Variants in CHST9 observed in about 807,000 individuals in gnomAD.
CHST9 encodes GalNAc-4-sulfotransferase 2.
CHST9 carries 41 observed loss-of-function variants against 44.4 expected under a neutral mutation model. The observed-to-expected ratio is 0.92, with a 90% CI of 0.72 to 1.20. The LOEUF (loss-of-function observed/expected upper bound fraction) is 1.20. CHST9 is among the 50% of genes most tolerant of loss of function. The pLI, the probability that CHST9 is intolerant of heterozygous loss-of-function variation, is 0.00. For synonymous variants in CHST9, 171 were observed against 178.4 expected, an observed-to-expected ratio of 0.96 and a Z score of 0.33; for missense variants, 504 against 516.5, an observed-to-expected ratio of 0.98 and a Z score of 0.23.
intron 2 of CHST9, among the ~76,000 whole-genome samples, chr18:27,108,259 GGTGTT>G (rs1259550582): frequency 6.6e-6 from 1 of 152,076 alleles, no homozygotes; most frequent in African/African-American, 2.4e-5. Flanking sequence ...TCTCTGCTGA[GGTGTT>G]GTGTTGTGTC....
chr18:27,142,129 T>C (rs928957980), intron 2 of CHST9, among the ~76,000 whole-genome samples: 1 of 152,306 alleles, frequency 6.6e-6, no homozygotes, highest in Non-Finnish European at 1.5e-5. Flanking sequence ...TGTTTACATG[T>C]AATCTATGGC....
intron 1 of CHST9, among the ~76,000 whole-genome samples, chr18:27,149,702 T>C (rs2058644903): frequency 6.6e-6 from 1 of 152,114 alleles, no homozygotes; most frequent in Admixed American, 6.5e-5. Flanking sequence ...CTGCCATTTA[T>C]TTTAAAACAT....
At chr18:27,112,105 TTAA>T (rs1157552230) in intron 2 of CHST9, among the ~76,000 whole-genome samples, 12 of 148,578 alleles carry the variant, frequency 8.1e-5, no homozygotes, top group African/African-American at 2.7e-4. Context: ...TATAAATATA[TTAA>T]TAATGTATAT....
chr18:27,125,441 T>G (rs555026707), intron 2 of CHST9, among the ~76,000 whole-genome samples: 1 of 152,372 alleles, frequency 6.6e-6, no homozygotes, highest in South Asian at 2.1e-4. Context: ...TTAGGCATTT[T>G]CTACCAGTAC....
At chr18:27,029,784 C>CAA (rs1259534230) in intron 3 of CHST9, among the ~76,000 whole-genome samples, 5 of 152,072 alleles carry the variant, frequency 3.3e-5, no homozygotes, top group African/African-American at 4.8e-5. Flanking sequence ...TTTTTTCCCC[C>CAA]AAATATTTTA....
At chr18:27,115,758 C>T (rs1256193311) in intron 2 of CHST9, among the ~76,000 whole-genome samples, 1 of 152,170 alleles carries the variant, frequency 6.6e-6, no homozygotes, top group African/African-American at 2.4e-5. Context: ...AGCAATCCTC[C>T]CACCTTGGAC....
At chr18:26,933,852 A>G (rs1230019968) in intron 5 of CHST9, 1 of 153,372 alleles carries the variant, frequency 6.5e-6, no homozygotes, top group Non-Finnish European at 1.5e-5. Flanking sequence ...CTAAAACAGT[A>G]ATGCAATAGA....
At chr18:27,099,041 C>T (rs147751351) in intron 2 of CHST9, among the ~76,000 whole-genome samples, 1 of 152,050 alleles carries the variant, frequency 6.6e-6, no homozygotes, top group East Asian at 1.9e-4. Flanking sequence ...AGGTTGCATG[C>T]CTACAGCCAT....
At chr18:27,133,302 G>A (rs1405532052) in intron 2 of CHST9, among the ~76,000 whole-genome samples, 2 of 152,144 alleles carry the variant, frequency 1.3e-5, no homozygotes, top group Non-Finnish European at 2.9e-5. Flanking sequence ...TGATGGGATC[G>A]ACTTTGTTGC....
At chr18:27,131,233 G>A (rs2058468915) in intron 2 of CHST9, among the ~76,000 whole-genome samples, 1 of 144,482 alleles carries the variant, frequency 6.9e-6, no homozygotes, top group Non-Finnish European at 1.5e-5. Flanking sequence ...TCCTGGCCCA[G>A]GGACCCCAGA....
intron 4 of CHST9, among the ~76,000 whole-genome samples, chr18:26,999,629 A>G (rs544089263): frequency 2.6e-5 from 4 of 152,242 alleles, no homozygotes; most frequent in African/African-American, 9.6e-5. Flanking sequence ...ATATAAAAAA[A>G]TTGGTGAAAG....
At chr18:27,152,507 T>C (rs994771836) in intron 1 of CHST9, among the ~76,000 whole-genome samples, 1 of 152,172 alleles carries the variant, frequency 6.6e-6, no homozygotes, top group Non-Finnish European at 1.5e-5. Flanking sequence ...TTCTAAAGAT[T>C]TCAAAGTTTT....
chr18:26,938,542 T>TTGA (rs2056033803), intron 5 of CHST9, among the ~76,000 whole-genome samples: 1 of 152,210 alleles, frequency 6.6e-6, no homozygotes, highest in African/African-American at 2.4e-5. Context: ...CGTGGCCATT[T>TTGA]TGATAAGAAT....
rs1201534522 is a variant in CHST9, at chr18:26,911,517, G to C, written c.*4742C>G. 1 of 152,166 alleles carries C rather than the reference G, an allele frequency of 6.6e-6. No homozygotes were observed. Among genetic ancestry groups the C allele is most frequent in the Non-Finnish European group, 1.5e-5 (1 of 68,028 alleles). 9.4% of individuals were successfully genotyped at this position (152,166 alleles called of 1,614,324 possible). A position where few individuals can be genotyped will look rare whatever the true frequency, so the allele number is the denominator to read the frequency against. On this transcript the variant is annotated 3_prime_UTR_variant, in exon 6 of 6. Coordinates refer to ENST00000618847, the MANE Select transcript of CHST9 (RefSeq NM_031422.6). The stretch of plus-strand genomic sequence containing the variant: ...TATCAGGGAGCTCATAAAGAGATGA[G>C]ATTTTGAAATTGAATAATCTCAAGA...
At chr18:26,956,553 A>C (rs2056328581) in intron 4 of CHST9, among the ~76,000 whole-genome samples, 2 of 151,410 alleles carry the variant, frequency 1.3e-5, no homozygotes, top group Non-Finnish European at 2.9e-5. Context: ...TGATTCTGCT[A>C]ATGATAATGT....
rs563733660 is a variant in CHST9, at chr18:26,953,876, C to T, written c.203-9510G>A. ...TTTCTGTACTATCACCTACATTTAG[C>T]ATGACCACTTCTGTAGGGGTGCTTG... On this transcript the variant is annotated intron_variant, in intron 4 of 5. Coordinates refer to ENST00000618847, the MANE Select transcript of CHST9 (RefSeq NM_031422.6). 4.6e-5 allele frequency among the ~76,000 whole-genome samples: 7 copies of T among 152,278 alleles called. No individual in the cohort carries two copies. The South Asian group carries it at 1.5e-3, about 32-fold the overall frequency.
chr18:27,101,667 T>C (rs1259190149), intron 2 of CHST9, among the ~76,000 whole-genome samples: 2 of 151,866 alleles, frequency 1.3e-5, no homozygotes, highest in African/African-American at 4.8e-5. Context: ...TCACGGCTAT[T>C]AACTACTATA....
intron 2 of CHST9, among the ~76,000 whole-genome samples, chr18:27,141,570 G>A (rs562378474): frequency 4.1e-5 from 5 of 122,212 alleles, no homozygotes; most frequent in South Asian, 2.6e-4. Context: ...CAGCCTGGGC[G>A]ACAGGAGTAA....
intron 2 of CHST9, among the ~76,000 whole-genome samples, chr18:27,068,466 A>G (rs1025922097): frequency 2.0e-5 from 3 of 152,192 alleles, no homozygotes; most frequent in Non-Finnish European, 2.9e-5. Flanking sequence ...ATATCATTAT[A>G]TAAGTTTAAA....
Sources: gnomAD v4.1 joint callset for allele counts (sites outside exome capture counted in the v4.1 genomes callset) on GRCh38, gnomAD v4.1.1 for gene constraint, MANE v1.5 for transcripts, NCBI Gene and HGNC (gene_info 2026-07-23, HGNC 2026-07-21) for gene names.